P4HA3: variants seen among roughly 807,000 people sequenced by gnomAD.
The protein encoded by P4HA3 is prolyl 4-hydroxylase subunit alpha-3.
A neutral mutation model predicts 66.7 loss-of-function variants in P4HA3; 60 were observed. That is an observed-to-expected ratio of 0.90 (90% confidence interval 0.73 to 1.12). The LOEUF (loss-of-function observed/expected upper bound fraction) is 1.12. Among genes scored for constraint, P4HA3 ranks in the 50% most tolerant of loss-of-function variants. The pLI is 0.00. For synonymous variants in P4HA3, 263 were observed against 274.6 expected (o/e 0.96, Z 0.42); for missense variants, 683 against 685.8 (o/e 1.00, Z 0.05).
chr11:74,276,671 C>T (rs1860408009), intron 9 of P4HA3, among the ~76,000 whole-genome samples: 1 of 152,144 alleles, frequency 6.6e-6, no homozygotes, highest in Non-Finnish European at 1.5e-5. Flanking sequence ...CAGTTGAGAT[C>T]ATGAGGCTAG....
intron 10 of P4HA3, among the ~76,000 whole-genome samples, chr11:74,270,289 G>A (rs1053660107): frequency 3.9e-5 from 6 of 152,038 alleles, no homozygotes; most frequent in African/African-American, 1.4e-4. Flanking sequence ...TTGAAAGCTG[G>A]GCATCATAGG....
intron 4 of P4HA3, among the ~76,000 whole-genome samples, chr11:74,292,105 T>C (rs1565416743): frequency 6.6e-6 from 1 of 152,222 alleles, no homozygotes; most frequent in Non-Finnish European, 1.5e-5. Flanking sequence ...AGCTATTGAT[T>C]ATTGCCTCAA....
chr11:74,297,107 G>GT (rs1184984968), intron 4 of P4HA3, among the ~76,000 whole-genome samples: 2 of 151,496 alleles, frequency 1.3e-5, no homozygotes, highest in African/African-American at 4.9e-5. Flanking sequence ...AATTTTGTTT[G>GT]TTTTTGTTTT....
intron 4 of P4HA3, among the ~76,000 whole-genome samples, chr11:74,293,658 C>T (rs60721424): frequency 0.04 from 6,108 of 152,216 alleles, 131 homozygotes; most frequent in Middle Eastern, 0.11. Context: ...ACAAAACCTC[C>T]CAGCATTTGC....
At chr11:74,268,364 T>C in intron 11 of P4HA3, 123 bp from the exon 12 acceptor site, 2 of 795,940 alleles carry the variant, frequency 2.5e-6, no homozygotes, top group Admixed American at 2.1e-5. Flanking sequence ...CTGGGGGCAA[T>C]GCATGCATAA....
At chr11:74,304,832 T>C (rs1417697663) in intron 1 of P4HA3, among the ~76,000 whole-genome samples, 1 of 152,136 alleles carries the variant, frequency 6.6e-6, no homozygotes, top group African/African-American at 2.4e-5. Flanking sequence ...GTCCCCAACC[T>C]TTTTGGCACC....
chr11:74,263,333 G>A (rs535187443), downstream of P4HA3, among the ~76,000 whole-genome samples: 1 of 152,282 alleles, frequency 6.6e-6, no homozygotes, highest in East Asian at 1.9e-4. Context: ...TAACCATTAG[G>A]CATCAGTGGC....
rs746640087 is a variant in P4HA3, at chr11:74,285,877, T to G, written c.1042A>C (p.Ile348Leu). The part of the protein sequence containing the change: ...RKEVIHLEPY[I>L]ALYHDFVSDS... ...CTGACGAAGTCATGGTAGAGAGCAA[T>G]GTAGGGCTCCAGGTGGATGACCTCC... The change falls in exon 7 of 13, where the codon ATT becomes CTT. Residue 348 changes from isoleucine to leucine, a missense_variant. Ile to Leu is a conservative substitution (Grantham distance 5). Coordinates refer to ENST00000331597, the MANE Select transcript of P4HA3 (RefSeq NM_182904.5). 5 of 1,614,032 alleles carry G rather than the reference T, an allele frequency of 3.1e-6. No individual in the cohort carries two copies. The highest frequency in any genetic ancestry group is 3.3e-5 in the Admixed American group (2 of 60,010).
At position 74,279,487 on chromosome 11, in the gene P4HA3, T is replaced by G. The variant is rs780647999; in HGVS notation, c.1111-35A>C. On this transcript the variant is annotated intron_variant, in intron 7 of 12. Transcript: ENST00000331597. The stretch of plus-strand genomic sequence containing the variant: ...AGAATGTAAGACAAAGTCCAAGTGG[T>G]TATGATGCAAAAGGAAAGTTTTGTC... 22 of 1,605,652 alleles carry G rather than the reference T, an allele frequency of 1.4e-5. No individual in the cohort carries two copies. In the South Asian group the frequency reaches 2.4e-4, roughly 18 times the overall value.
At chr11:74,253,743 C>G in intron 15 of P4HA3, 1 of 603,450 alleles carries the variant, frequency 1.7e-6, no homozygotes, top group East Asian at 2.8e-5. Context: ...CTGCTCCTTT[C>G]CCTTCCCTGT....
intron 4 of P4HA3, among the ~76,000 whole-genome samples, chr11:74,290,758 T>C (rs1415256574): frequency 2.0e-5 from 3 of 152,228 alleles, no homozygotes; most frequent in Non-Finnish European, 4.4e-5. Flanking sequence ...TAGTTGTAGA[T>C]ATGCGGCATT....
chr11:74,282,127 G>GT (rs916705579), intron 7 of P4HA3, among the ~76,000 whole-genome samples: 6 of 137,306 alleles, frequency 4.4e-5, no homozygotes, highest in African/African-American at 1.1e-4. Context: ...AAAATCAATG[G>GT]TTTAAAAAAA....
intron 4 of P4HA3, among the ~76,000 whole-genome samples, chr11:74,293,388 G>T (rs1328755930): frequency 1.3e-5 from 2 of 152,142 alleles, no homozygotes; most frequent in Non-Finnish European, 2.9e-5. Flanking sequence ...GATGGGTCAT[G>T]ACTCTTTATC....
chr11:74,267,772 T>C (rs763221877), intron 12 of P4HA3, among the ~76,000 whole-genome samples: 7 of 152,222 alleles, frequency 4.6e-5, no homozygotes, highest in Non-Finnish European at 7.3e-5. Flanking sequence ...CATCTGCTTA[T>C]TGATCTCTTC....
intron 1 of P4HA3, among the ~76,000 whole-genome samples, chr11:74,310,802 TGTAAACC>T (rs1288626378): frequency 6.6e-6 from 1 of 152,226 alleles, no homozygotes; most frequent in East Asian, 1.9e-4. Flanking sequence ...CCCAATGACA[TGTAAACC>T]TCACATATGG....
chr11:74,256,628 C>CA (rs1382358724), intron 15 of P4HA3, among the ~76,000 whole-genome samples: 1 of 152,090 alleles, frequency 6.6e-6, no homozygotes, highest in Admixed American at 6.5e-5. Context: ...TACAGATCAG[C>CA]ATGTATGAAC....
rs755737893 is a variant in P4HA3 at position 74,267,311 on chromosome 11, G to A, written c.1572C>T (p.Asn524=). The change falls in exon 13 of 13, where the codon AAC becomes AAT. Residue 524 remains asparagine, a synonymous_variant. Coordinates refer to ENST00000331597, the MANE Select transcript of P4HA3 (RefSeq NM_182904.5). ...CCTGTCCATACTCATGTATCCACTT[G>A]TTGGCCACTGGGAGAGAACAGGGAA... ...PVLVGDKWVA[N]KWIHEYGQEF... is the part of the protein sequence containing the mutation. 6.2e-7 allele frequency: 1 copy of A among 1,614,026 alleles called. No homozygotes were observed. The highest frequency in any genetic ancestry group is 1.3e-5 in the African/African-American group (1 of 74,946).
Position 74,298,262 on chromosome 11 carries a change from C to A in P4HA3, c.667G>T (p.Glu223Ter). Residue 223 changes from glutamate to a stop codon, truncating the protein, a stop_gained, in exon 4 of 13, where the codon GAG (glutamate) becomes TAG (stop). Transcript: ENST00000331597. LOFTEE classifies it high-confidence loss of function. ...TCCAAGGCATCTTCTAGACTTGCCT[C>A]ATCCTCTGTCTTCCACTCTCCGTAA... ...GSYGEWKTED[E>*]ASLEDALDHL... 2 of 1,614,128 alleles carry A rather than the reference C, an allele frequency of 1.2e-6. No individual in the cohort carries two copies. Among genetic ancestry groups the A allele is most frequent in the African/African-American group, 2.7e-5 (2 of 75,054 alleles).
At chr11:74,268,072 T>G (rs1591086459) in intron 12 of P4HA3, 73 bp downstream of exon 12, 4 of 1,296,230 alleles carry the variant, frequency 3.1e-6, no homozygotes. Context: ...CTGTGGTAGG[T>G]CCCACCCATC....
Sources: gnomAD v4.1 joint callset for allele counts (sites outside exome capture counted in the v4.1 genomes callset) on GRCh38, gnomAD v4.1.1 for gene constraint, MANE v1.5 for transcripts, NCBI Gene and HGNC (gene_info 2026-07-23, HGNC 2026-07-21) for gene names.